The following GRIP1 variants were observed in gnomAD, a reference collection of about 807,000 sequenced individuals.
GRIP1 encodes glutamate receptor-interacting protein 1.
GRIP1 carries 45 observed loss-of-function variants against 129.9 expected under a neutral mutation model. That is an observed-to-expected ratio of 0.35 (90% CI 0.27 to 0.44). The LOEUF is 0.44. GRIP1 is among the 20% of genes least tolerant of loss of function. The pLI is 1.00. For missense variants in GRIP1, 1,196 were observed against 1,396.8 expected, an observed-to-expected ratio of 0.86 and a Z score of 2.29; for synonymous variants, 530 against 520.8, an observed-to-expected ratio of 1.02 and a Z score of -0.24.
At position 66,838,187 on chromosome 12, in the gene GRIP1, TA is replaced by T. The variant is rs56259335; in HGVS notation, c.58+230862del. On this transcript the variant is annotated intron_variant, in intron 1 of 1. Transcript: ENST00000643019. ...GCAGGTGACAGAGAAAGACTCCACCTAAAAAAAAAAAAAAAATCGAGCAGGA... is the reference window on the plus strand; with the variant it reads ...GCAGGTGACAGAGAAAGACTCCACCTAAAAAAAAAAAAAAATCGAGCAGGA... 8.4e-3 allele frequency among the ~76,000 whole-genome samples: 1,151 copies of T among 137,430 alleles called. 14 individuals are homozygous for T. Among genetic ancestry groups the T allele is most frequent in the African/African-American group, 0.027 (985 of 36,200 alleles). 90.2% of individuals were successfully genotyped at this position (137,430 alleles called of 152,430 possible).
chr12:66,439,030 C>A (rs374913759), intron 13 of GRIP1, among the ~76,000 whole-genome samples: 8 of 152,150 alleles, frequency 5.3e-5, no homozygotes, highest in African/African-American at 1.7e-4. Context: ...CCAGGGAAGG[C>A]TTCTCTGAGC....
In GRIP1 at chr12:66,550,769, A is replaced by G. The variant is rs749481268; in HGVS notation, c.137-8819T>C. On this transcript the variant is annotated intron_variant, in intron 2 of 24. Transcript: ENST00000359742. Reference sequence around the variant, plus strand: ...ACGTATTCCTACACAATCATCTGATAGTCTAAATAAAACCATGATGCAAGA... The same window carrying G: ...ACGTATTCCTACACAATCATCTGATGGTCTAAATAAAACCATGATGCAAGA... 1.3e-3 allele frequency among the ~76,000 whole-genome samples: 198 copies of G among 152,346 alleles called. 2 individuals are homozygous for G. Among genetic ancestry groups the G allele is most frequent in the Non-Finnish European group, 8.4e-4 (57 of 68,034 alleles).
chr12:66,940,056 A>G (rs987195960), intron 1 of GRIP1, among the ~76,000 whole-genome samples: 2 of 152,056 alleles, frequency 1.3e-5, no homozygotes, highest in African/African-American at 2.4e-5. Flanking sequence ...TTATTAGTAG[A>G]AAAAAATCAG....
chr12:66,383,831 G>C, intron 19 of GRIP1, among the ~76,000 whole-genome samples: 1 of 152,180 alleles, frequency 6.6e-6, no homozygotes, highest in East Asian at 1.9e-4. Context: ...TCAAAGCTAA[G>C]TGCAACTTAG....
At chr12:66,635,058 T>C (rs563721347) in intron 1 of GRIP1, among the ~76,000 whole-genome samples, 2 of 152,282 alleles carry the variant, frequency 1.3e-5, no homozygotes, top group Admixed American at 6.5e-5. Context: ...GTCTGGCACA[T>C]AGTAGGAGTC....
In GRIP1 at chr12:66,463,040, A is replaced by G. The variant is rs2059180169; in HGVS notation, c.926T>C (p.Met309Thr). The change falls in exon 9 of 25, where the codon ATG (methionine) becomes ACG (threonine). Residue 309 changes from methionine to threonine, a missense_variant. Met to Thr is a moderately conservative substitution (Grantham distance 81). Coordinates refer to ENST00000359742, the MANE Select transcript of GRIP1 (RefSeq NM_001366722.1). ...DHILSIDGTS[M>T]EYCTLAEATQ... ...TGCTTCTGCAAGTGTACAGTACTCCATGCTGGTTCCATCGATGGAGAGGAT... is the reference window on the plus strand; with the variant it reads ...TGCTTCTGCAAGTGTACAGTACTCCGTGCTGGTTCCATCGATGGAGAGGAT... 1 of 1,613,998 alleles carries G rather than the reference A, an allele frequency of 6.2e-7. No homozygotes were observed. Among genetic ancestry groups the G allele is most frequent in the Non-Finnish European group, 8.5e-7 (1 of 1,179,890 alleles).
chr12:66,900,214 G>A (rs2040822531), intron 1 of GRIP1, among the ~76,000 whole-genome samples: 1 of 152,148 alleles, frequency 6.6e-6, no homozygotes, highest in African/African-American at 2.4e-5. Context: ...CTCCCAATAT[G>A]TGGCTTAAAC....
chr12:66,699,855 T>G (rs1415000500), intron 1 of GRIP1, among the ~76,000 whole-genome samples: 1 of 152,228 alleles, frequency 6.6e-6, no homozygotes, highest in East Asian at 1.9e-4. Flanking sequence ...TCCACCTGCA[T>G]GAGGCCCGCC....
At chr12:66,883,053 T>TAC (rs2040506753) in intron 1 of GRIP1, among the ~76,000 whole-genome samples, 1 of 151,830 alleles carries the variant, frequency 6.6e-6, no homozygotes, top group Admixed American at 6.6e-5. Flanking sequence ...AAGTTATGAG[T>TAC]CTACTACCCA....
chr12:66,400,254 T>C (rs185627136), intron 16 of GRIP1, among the ~76,000 whole-genome samples: 4 of 150,384 alleles, frequency 2.7e-5, no homozygotes, highest in Non-Finnish European at 5.9e-5. Flanking sequence ...GTGATTCCGA[T>C]GTACACTCAA....
intron 19 of GRIP1, among the ~76,000 whole-genome samples, chr12:66,382,608 C>T (rs1461413390): frequency 6.6e-6 from 1 of 152,202 alleles, no homozygotes; most frequent in Non-Finnish European, 1.5e-5. Context: ...CTAAGCCCTT[C>T]AACCTCTCAA....
At chr12:66,588,975 A>G (rs2063744574) in intron 2 of GRIP1, among the ~76,000 whole-genome samples, 1 of 132,034 alleles carries the variant, frequency 7.6e-6, no homozygotes, top group Admixed American at 8.1e-5. Flanking sequence ...TCCCCCTCCT[A>G]CAAAAAAAAA....
At chr12:67,053,721 C>G (rs891622759) in intron 1 of GRIP1, among the ~76,000 whole-genome samples, 13 of 151,760 alleles carry the variant, frequency 8.6e-5, no homozygotes, top group African/African-American at 3.1e-4. Context: ...ACCTGTAATC[C>G]CAGCTACTTG....
chr12:66,595,089 T>A (rs185429893), intron 2 of GRIP1, among the ~76,000 whole-genome samples: 2 of 152,310 alleles, frequency 1.3e-5, no homozygotes, highest in East Asian at 3.9e-4. Flanking sequence ...TTCTGAACAC[T>A]CCTAATATCT....
intron 1 of GRIP1, among the ~76,000 whole-genome samples, chr12:66,972,880 G>A (rs1420914983): frequency 6.6e-6 from 1 of 152,204 alleles, no homozygotes; most frequent in Non-Finnish European, 1.5e-5. Context: ...TTAGAGGAGA[G>A]CTTTTAGGGC....
At chr12:67,046,435 C>G (rs559850522) in intron 1 of GRIP1, among the ~76,000 whole-genome samples, 1 of 152,286 alleles carries the variant, frequency 6.6e-6, no homozygotes, top group South Asian at 2.1e-4. Flanking sequence ...GCTTTTTGCT[C>G]TACTAGTAAC....
At chr12:66,723,102 C>T (rs1419250838) in intron 1 of GRIP1, among the ~76,000 whole-genome samples, 1 of 148,708 alleles carries the variant, frequency 6.7e-6, no homozygotes, top group African/African-American at 2.5e-5. Flanking sequence ...GGGCAGCATT[C>T]ACCAAATATT....
chr12:66,791,829 C>T (rs2038545657), intron 1 of GRIP1, among the ~76,000 whole-genome samples: 2 of 152,106 alleles, frequency 1.3e-5, no homozygotes, highest in Non-Finnish European at 2.9e-5. Flanking sequence ...CCTCATTCCC[C>T]TTACCCTCCC....
intron 1 of GRIP1, among the ~76,000 whole-genome samples, chr12:66,638,346 C>T (rs1480960197): frequency 6.6e-6 from 1 of 152,092 alleles, no homozygotes; most frequent in East Asian, 1.9e-4. Flanking sequence ...AATATATACC[C>T]TTGATAGGTA....
Sources: allele counts gnomAD v4.1 joint callset (sites outside exome capture counted in the v4.1 genomes callset), GRCh38; gene constraint gnomAD v4.1.1; transcripts MANE v1.5; gene names NCBI Gene and HGNC (gene_info 2026-07-23, HGNC 2026-07-21).